RXFP2: variants seen among roughly 807,000 people sequenced by gnomAD.
RXFP2 encodes relaxin receptor 2.
RXFP2 carries 68 observed loss-of-function variants against 88.6 expected under a neutral mutation model. The ratio of observed to expected loss-of-function variants is 0.77; its 90% CI spans 0.63 to 0.94. The LOEUF (loss-of-function observed/expected upper bound fraction) is 0.94. Among genes scored for constraint, RXFP2 ranks in the 40% least tolerant of loss-of-function variants. The pLI, the probability that RXFP2 is intolerant of heterozygous loss-of-function variation, is 0.00. For synonymous variants in RXFP2, 329 were observed against 306.8 expected, an observed-to-expected ratio of 1.07 and a Z score of -0.76; for missense variants, 791 against 893.9, an observed-to-expected ratio of 0.88 and a Z score of 1.47.
Position 31,792,787 on chromosome 13 carries a change from C to A in RXFP2, c.1485C>A (p.Cys495Ter). The change falls in exon 16 of 18, where the codon TGC (cysteine) becomes TGA (stop). Residue 495 changes from cysteine to a stop codon, truncating the protein, a stop_gained. Transcript: ENST00000298386. LOFTEE classifies it high-confidence loss of function. Reference sequence around the variant, plus strand: ...TGCTGTGGATGGAGAGCGTGCAGTGCCGCCTCATGGGGTTCCTGGCCATGC... The same window carrying A: ...TGCTGTGGATGGAGAGCGTGCAGTGACGCCTCATGGGGTTCCTGGCCATGC... ...YALLWMESVQCRLMGFLAMLS... is the reference protein window; with the variant it reads ...YALLWMESVQ 1 of 1,614,108 alleles carries A rather than the reference C, an allele frequency of 6.2e-7. No individual in the cohort carries two copies.
intron 11 of RXFP2, 100 bp downstream of exon 11, chr13:31,782,847 C>T: frequency 1.3e-6 from 1 of 754,640 alleles, no homozygotes; most frequent in South Asian, 1.5e-5. Flanking sequence ...CAATCAAAAT[C>T]CTGTAGACTA....
chr13:31,769,554 C>T (rs1285893875), intron 5 of RXFP2, among the ~76,000 whole-genome samples: 2 of 152,146 alleles, frequency 1.3e-5, no homozygotes, highest in Non-Finnish European at 1.5e-5. Context: ...TGATGGGTGA[C>T]ATCTAGAATA....
At chr13:31,765,911 G>A (rs1186241577) in intron 4 of RXFP2, 45 bp from the exon 5 acceptor site, 2 of 908,810 alleles carry the variant, frequency 2.2e-6, no homozygotes, top group South Asian at 2.8e-5. Context: ...AGAGTGGGTT[G>A]GCCATAACAA....
At chr13:31,744,087 G>T (rs1250616139) in intron 1 of RXFP2, among the ~76,000 whole-genome samples, 1 of 151,810 alleles carries the variant, frequency 6.6e-6, no homozygotes, top group Non-Finnish European at 1.5e-5. Context: ...TCTATTATTT[G>T]TCTCTATCCC....
At chr13:31,766,177 A>G in intron 5 of RXFP2, 150 bp downstream of exon 5, 1 of 600,926 alleles carries the variant, frequency 1.7e-6, no homozygotes, top group South Asian at 2.1e-5. Flanking sequence ...AAACATTTGA[A>G]AGTATGTTAT....
intron 17 of RXFP2, among the ~76,000 whole-genome samples, chr13:31,798,721 G>C (rs1874176615): frequency 6.6e-6 from 1 of 152,084 alleles, no homozygotes; most frequent in African/African-American, 2.4e-5. Context: ...TGTGATCCAG[G>C]CCCACTGGAA....
At chr13:31,745,480 C>T (rs1593443226) in intron 1 of RXFP2, among the ~76,000 whole-genome samples, 1 of 152,172 alleles carries the variant, frequency 6.6e-6, no homozygotes, top group East Asian at 1.9e-4. Flanking sequence ...TTCCATACCC[C>T]ATGCTTTGTC....
intron 2 of RXFP2, among the ~76,000 whole-genome samples, chr13:31,761,260 C>T (rs1325475189): frequency 6.6e-6 from 1 of 152,026 alleles, no homozygotes; most frequent in Non-Finnish European, 1.5e-5. Context: ...AGAAAAAAGC[C>T]TTTGAGAAAC....
chr13:31,774,478 C>T lies in RXFP2; in HGVS notation c.498-142C>T, dbSNP rs554141413. On this transcript the variant is annotated intron_variant, in intron 5 of 17. Coordinates refer to ENST00000298386, the MANE Select transcript of RXFP2 (RefSeq NM_130806.5). ...CTAGTTGGTAGCCATTTCTCACTGACAACATCTCCCCAACATGAGAATAGG... is the reference window on the plus strand; with the variant it reads ...CTAGTTGGTAGCCATTTCTCACTGATAACATCTCCCCAACATGAGAATAGG... 16 of 680,732 alleles carry T rather than the reference C, an allele frequency of 2.4e-5. No homozygotes were observed. The East Asian group carries it at 4.1e-4, about 17-fold the overall frequency. The allele number at this position is 680,732 out of a possible 1,614,324, so 42.2% of individuals were successfully genotyped here.
chr13:31,789,251 T>C, intron 14 of RXFP2, 58 bp downstream of exon 14: 1 of 1,066,160 alleles, frequency 9.4e-7, no homozygotes, highest in South Asian at 1.2e-5. Flanking sequence ...AATTATCTCC[T>C]GTAAACTGTC....
At chr13:31,749,641 A>T (rs1342765698) in intron 1 of RXFP2, among the ~76,000 whole-genome samples, 1 of 152,218 alleles carries the variant, frequency 6.6e-6, no homozygotes, top group African/African-American at 2.4e-5. Flanking sequence ...ACTTATTCCT[A>T]AATACATGAC....
chr13:31,766,109 T>C, intron 5 of RXFP2, 82 bp downstream of exon 5: 1 of 761,900 alleles, frequency 1.3e-6, no homozygotes, highest in Non-Finnish European at 2.3e-6. Context: ...AATAAAATAT[T>C]GTTTGTTATC....
At chr13:31,795,589 T>G (rs1410560267) in intron 16 of RXFP2, among the ~76,000 whole-genome samples, 1 of 152,168 alleles carries the variant, frequency 6.6e-6, no homozygotes. Context: ...TTTATAAAAT[T>G]TTACCGTATG....
intron 7 of RXFP2, among the ~76,000 whole-genome samples, chr13:31,776,391 G>A (rs551861808): frequency 6.6e-6 from 1 of 150,674 alleles, no homozygotes; most frequent in Non-Finnish European, 1.5e-5. Context: ...GAGTAGTTGG[G>A]ACTACACGTG....
intron 2 of RXFP2, among the ~76,000 whole-genome samples, chr13:31,759,285 C>T (rs73443768): frequency 0.18 from 26,587 of 148,676 alleles, 2,375 homozygotes; most frequent in Middle Eastern, 0.23. Flanking sequence ...GGAAATGAAA[C>T]AGGATAATGA....
chr13:31,759,125 T>G (rs61946569), intron 2 of RXFP2, among the ~76,000 whole-genome samples: 2 of 151,048 alleles, frequency 1.3e-5, no homozygotes, highest in Non-Finnish European at 2.9e-5. Flanking sequence ...ACTGAGTGCC[T>G]GCTATGTGCC....
intron 17 of RXFP2, among the ~76,000 whole-genome samples, chr13:31,798,253 C>T (rs111708939): frequency 0.015 from 2,333 of 152,272 alleles, 57 homozygotes; most frequent in African/African-American, 0.053. Context: ...CTCCTGTGCA[C>T]TCAGTTGTGA....
chr13:31,745,845 C>T (rs151082247), intron 1 of RXFP2, among the ~76,000 whole-genome samples: 124 of 152,264 alleles, frequency 8.1e-4, no homozygotes, highest in East Asian at 4.4e-3. Flanking sequence ...TCAGACTGTC[C>T]GTTTTCAAAG....
intron 1 of RXFP2, among the ~76,000 whole-genome samples, chr13:31,746,083 T>A (rs550813938): frequency 6.6e-6 from 1 of 152,172 alleles, no homozygotes; most frequent in Non-Finnish European, 1.5e-5. Flanking sequence ...AATTATCGAG[T>A]TTCCAAGAAC....
Sources: gnomAD v4.1 joint callset for allele counts (sites outside exome capture counted in the v4.1 genomes callset) on GRCh38, gnomAD v4.1.1 for gene constraint, MANE v1.5 for transcripts, NCBI Gene and HGNC (gene_info 2026-07-23, HGNC 2026-07-21) for gene names.